Variants in INTS9 observed in about 807,000 individuals in gnomAD.
INTS9 encodes the protein protein related to CPSF subunits of 74 kDa.
Under a neutral mutation model 79.7 loss-of-function variants are expected in INTS9, and 55 were observed. The ratio of observed to expected loss-of-function variants is 0.69; its 90% CI spans 0.56 to 0.86. The LOEUF is 0.86. INTS9 is among the 40% of genes least tolerant of loss of function. The pLI, the probability that INTS9 is intolerant of heterozygous loss-of-function variation, is 0.00. For missense variants in INTS9, 721 were observed against 831.5 expected (o/e 0.87, Z 1.64); for synonymous variants, 319 against 325.2 (o/e 0.98, Z 0.20).
intron 8 of INTS9, among the ~76,000 whole-genome samples, chr8:28,797,207 A>G (rs777301860): frequency 1.3e-5 from 2 of 152,200 alleles, no homozygotes; most frequent in Non-Finnish European, 2.9e-5. Flanking sequence ...ACACTTTGAG[A>G]AGCATACGTT....
intron 1 of INTS9, among the ~76,000 whole-genome samples, chr8:28,871,482 G>T (rs995500836): frequency 6.6e-6 from 1 of 151,944 alleles, no homozygotes; most frequent in Non-Finnish European, 1.5e-5. Context: ...ACGGCTCACC[G>T]CAGCCTCAAC....
intron 6 of INTS9, among the ~76,000 whole-genome samples, chr8:28,818,752 G>A (rs1363930863): frequency 6.6e-6 from 1 of 151,894 alleles, no homozygotes; most frequent in African/African-American, 2.4e-5. Flanking sequence ...TGTACCTCTG[G>A]TAGAATTCGG....
chr8:28,846,694 G>T, intron 4 of INTS9, 53 bp downstream of exon 4: 2 of 1,291,120 alleles, frequency 1.5e-6, no homozygotes, highest in Non-Finnish European at 2.2e-6. Flanking sequence ...ACTTCATTTT[G>T]AGCAATTACA....
chr8:28,786,647 A>T (rs1341341747), intron 11 of INTS9, among the ~76,000 whole-genome samples: 1 of 152,120 alleles, frequency 6.6e-6, no homozygotes, highest in Non-Finnish European at 1.5e-5. Context: ...ATTTCTGTTC[A>T]ATGTATACTT....
chr8:28,782,535 A>G (rs958586920), intron 11 of INTS9, among the ~76,000 whole-genome samples: 4 of 152,274 alleles, frequency 2.6e-5, no homozygotes, highest in African/African-American at 7.2e-5. Context: ...ATGTGTGCAC[A>G]CATGCACACA....
chr8:28,770,118 C>T, intron 15 of INTS9, 92 bp from the exon 16 acceptor site: 1 of 1,471,846 alleles, frequency 6.8e-7, no homozygotes, highest in Non-Finnish European at 9.1e-7. Flanking sequence ...CTATCCTGTC[C>T]TCACAGGCCA....
chr8:28,849,466 A>T (rs1807703431), intron 3 of INTS9, among the ~76,000 whole-genome samples: 1 of 151,244 alleles, frequency 6.6e-6, no homozygotes, highest in African/African-American at 2.4e-5. Flanking sequence ...TCATAATAAG[A>T]CTCCATATCC....
intron 14 of INTS9, among the ~76,000 whole-genome samples, chr8:28,773,256 G>A (rs1291187148): frequency 1.3e-5 from 2 of 152,136 alleles, no homozygotes; most frequent in South Asian, 2.1e-4. Flanking sequence ...AAGGTCAGGA[G>A]ATTGAGACCA....
At chr8:28,807,018 G>A (rs955569142) in intron 8 of INTS9, among the ~76,000 whole-genome samples, 2 of 152,008 alleles carry the variant, frequency 1.3e-5, no homozygotes, top group Non-Finnish European at 2.9e-5. Flanking sequence ...CAACCAAAAC[G>A]ATTAAAAGCA....
chr8:28,780,775 T>A, intron 12 of INTS9, 48 bp downstream of exon 12: 1 of 1,600,180 alleles, frequency 6.2e-7, no homozygotes, highest in Non-Finnish European at 8.5e-7. Context: ...CATTCACTCA[T>A]GGCCTCAGTG....
intron 1 of INTS9, among the ~76,000 whole-genome samples, chr8:28,884,420 A>C (rs1339212122): frequency 2.0e-5 from 3 of 152,146 alleles, no homozygotes; most frequent in South Asian, 2.1e-4. Context: ...CCTGGGCTCA[A>C]GTGATCCTCC....
chr8:28,841,207 C>T (rs1807162510), intron 4 of INTS9, among the ~76,000 whole-genome samples: 1 of 152,212 alleles, frequency 6.6e-6, no homozygotes, highest in Non-Finnish European at 1.5e-5. Flanking sequence ...AACCTTCACC[C>T]CAAGTTGTGC....
In INTS9 at chr8:28,815,166, A is replaced by G. The variant is rs577447646; in HGVS notation, c.489-1554T>C. On this transcript the variant is annotated intron_variant, in intron 6 of 16. Transcript: ENST00000521022. ...ACTATCGTTAGAAAAATAAGATAGT[A>G]TAGCTAAGAAATGAGAAGAGATTGC... Among the ~76,000 whole-genome samples the G allele has an allele frequency of 2.6e-5, 4 of 152,320 alleles. No individual in the cohort carries two copies. The South Asian group carries it at 8.3e-4, about 32-fold the overall frequency.
rs1231472172 is a variant in INTS9, at chr8:28,866,698, CA to C, written c.10-7136del. ...TCTAATACTTTAAAAATCTGCTGGC[CA>C]GGCGTGGTGGCTCACGCCTGTAATC... On this transcript the variant is annotated intron_variant, in intron 1 of 16. Coordinates refer to ENST00000521022, the MANE Select transcript of INTS9 (RefSeq NM_018250.4). 6.6e-5 allele frequency among the ~76,000 whole-genome samples: 10 copies of C among 152,324 alleles called. No individual in the cohort carries two copies. The East Asian group carries it at 1.7e-3, about 26-fold the overall frequency.
intron 1 of INTS9, among the ~76,000 whole-genome samples, chr8:28,873,743 C>T (rs1199686058): frequency 6.6e-6 from 1 of 152,188 alleles, no homozygotes; most frequent in African/African-American, 2.4e-5. Context: ...ACCCTGAGGA[C>T]TGCAACATAC....
rs1175174950 is a variant in INTS9, at chr8:28,777,837, C to G, written c.1387G>C (p.Glu463Gln). The change falls in exon 13 of 17, where the codon GAA becomes CAA. Residue 463 changes from glutamate (E) to glutamine (Q), a missense_variant. Glu to Gln is a conservative substitution (Grantham distance 29). Around this residue, in one of 3 missense-constraint regions of INTS9, gnomAD observed 281 missense variants for 300.8 expected, o/e 0.93. Coordinates refer to ENST00000521022, the MANE Select transcript of INTS9 (RefSeq NM_018250.4). ...GCAGTGTCCTTCATTACCTGCACTT[C>G]TTTAAGCAGCTTTGACACCTGGATG... Reference protein sequence around the residue: ...NFIQVSKLLKEVQPLHVVCPE... With the variant: ...NFIQVSKLLKQVQPLHVVCPE... The G allele has an allele frequency of 6.8e-6, 11 of 1,607,022 alleles. No individual in the cohort carries two copies. The East Asian group carries it at 2.5e-4, about 36-fold the overall frequency.
At chr8:28,886,859 C>T (rs1810197873) in intron 1 of INTS9, among the ~76,000 whole-genome samples, 1 of 152,224 alleles carries the variant, frequency 6.6e-6, no homozygotes, top group African/African-American at 2.4e-5. Flanking sequence ...AAATACTTAG[C>T]ACATTGCCTG....
intron 5 of INTS9, among the ~76,000 whole-genome samples, chr8:28,837,118 G>A (rs1183147458): frequency 6.6e-6 from 1 of 152,162 alleles, no homozygotes. Context: ...AAGGAAAACT[G>A]CAGTTTTACT....
At chr8:28,849,973 A>C (rs1418859760) in intron 3 of INTS9, 1 of 371,918 alleles carries the variant, frequency 2.7e-6, no homozygotes, top group Non-Finnish European at 4.8e-6. Context: ...TTTGCAGCAG[A>C]AGTACTTAGA....
Sources: allele counts gnomAD v4.1 joint callset (sites outside exome capture counted in the v4.1 genomes callset), GRCh38; gene constraint gnomAD v4.1.1; regional missense constraint gnomAD v4.1.1; transcripts MANE v1.5; gene names NCBI Gene and HGNC (gene_info 2026-07-23, HGNC 2026-07-21).